The following MCM9 variants were observed in gnomAD, a reference collection of about 807,000 sequenced individuals.
MCM9 encodes minichromosome maintenance 9 homologous recombination repair factor, also known as DNA helicase MCM9.
In MCM9, 55 loss-of-function variants were observed where a neutral mutation model predicts 72.8. That is an observed-to-expected ratio of 0.76 (90% CI 0.61 to 0.95). The LOEUF is 0.95. Ranked by LOEUF, MCM9 falls within the 40% of genes least tolerant of loss-of-function variation. MCM9 has a pLI of 0.00. For synonymous variants in MCM9, 480 were observed against 503.4 expected (o/e 0.95, Z 0.62); for missense variants, 1,279 against 1,377.0 (o/e 0.93, Z 1.13).
chr6:118,906,837 T>C (rs1035017093), intron 8 of MCM9, among the ~76,000 whole-genome samples: 1 of 152,164 alleles, frequency 6.6e-6, no homozygotes, highest in African/African-American at 2.4e-5. Context: ...GAATAGAATG[T>C]TCTCATGTTC....
chr6:118,854,287 T>C (rs2114675074), intron 9 of MCM9, among the ~76,000 whole-genome samples: 1 of 152,316 alleles, frequency 6.6e-6, no homozygotes, highest in African/African-American at 2.4e-5. Context: ...ACATCCTTAA[T>C]TTGCTCCTAA....
intron 8 of MCM9, among the ~76,000 whole-genome samples, chr6:118,865,226 T>A (rs1777144417): frequency 6.6e-6 from 1 of 151,940 alleles, no homozygotes; most frequent in South Asian, 2.1e-4. Context: ...AAGTGCCAGT[T>A]TTATATGGGC....
chr6:118,932,522 C>T (rs1458892665), intron 2 of MCM9, 85 bp downstream of exon 2: 13 of 783,424 alleles, frequency 1.7e-5, no homozygotes, highest in Non-Finnish European at 2.0e-5. Flanking sequence ...TATATGAACA[C>T]AGTGTCATTC....
chr6:118,917,912 A>C, intron 5 of MCM9, 151 bp from the exon 6 acceptor site: 3 of 632,090 alleles, frequency 4.7e-6, no homozygotes, highest in Non-Finnish European at 8.3e-6. Flanking sequence ...CAGGGGCAGA[A>C]TAGCACCCCA....
chr6:118,931,153 C>G (rs1367387460), intron 3 of MCM9, among the ~76,000 whole-genome samples: 3 of 152,178 alleles, frequency 2.0e-5, no homozygotes. Flanking sequence ...TTTTGAATTA[C>G]ATTTTTAAAC....
At chr6:118,849,157 G>T (rs1776071971) in intron 9 of MCM9, among the ~76,000 whole-genome samples, 1 of 151,658 alleles carries the variant, frequency 6.6e-6, no homozygotes, top group Non-Finnish European at 1.5e-5. Flanking sequence ...AGATATATTA[G>T]ACAAATATAA....
chr6:118,843,543 G>C (rs1775545495), intron 9 of MCM9, among the ~76,000 whole-genome samples: 1 of 149,724 alleles, frequency 6.7e-6, no homozygotes, highest in East Asian at 2.0e-4. Flanking sequence ...CAGGAGACTT[G>C]CTTGAACCCG....
At chr6:118,817,442 T>A (rs1030915411) in intron 13 of MCM9, among the ~76,000 whole-genome samples, 1 of 152,220 alleles carries the variant, frequency 6.6e-6, no homozygotes, top group Non-Finnish European at 1.5e-5. Flanking sequence ...TCCAGCTTCA[T>A]CCATGTCCCT....
At chr6:118,869,939 C>T (rs1173441557) in intron 8 of MCM9, among the ~76,000 whole-genome samples, 1 of 152,116 alleles carries the variant, frequency 6.6e-6, no homozygotes, top group African/African-American at 2.4e-5. Context: ...GGTATCCATC[C>T]ATCAAGAGGG....
chr6:118,929,144 C>A lies in MCM9; in HGVS notation c.304+2276G>T, dbSNP rs559336401. On this transcript the variant is annotated intron_variant, in intron 3 of 13. Transcript: ENST00000619706. ...CTGAGGCAGGAGGATTGCTTGAACC[C>A]AGGAGGCAGAGGTTGCAGTGAGACA... Among the ~76,000 whole-genome samples the A allele has an allele frequency of 9.9e-5, 15 of 152,240 alleles. 2 individuals are homozygous for A. The highest frequency in any genetic ancestry group is 9.2e-4 in the Admixed American group (14 of 15,292).
intron 9 of MCM9, among the ~76,000 whole-genome samples, chr6:118,847,495 A>G (rs1775949647): frequency 6.6e-6 from 1 of 151,598 alleles, no homozygotes; most frequent in Admixed American, 6.6e-5. Flanking sequence ...GACTGAAAAT[A>G]TAATAAAGGG....
intron 8 of MCM9, among the ~76,000 whole-genome samples, chr6:118,882,294 GAAAGGAAAA>G (rs1021921222): frequency 6.6e-6 from 1 of 152,186 alleles, no homozygotes; most frequent in Admixed American, 6.5e-5. Context: ...CAAAAACAGG[GAAAGGAAAA>G]TCTGAATCTT....
At chr6:118,819,240 G>A (rs1057223174) in intron 13 of MCM9, among the ~76,000 whole-genome samples, 2 of 152,150 alleles carry the variant, frequency 1.3e-5, no homozygotes, top group Non-Finnish European at 2.9e-5. Flanking sequence ...CATTCAGTAT[G>A]ATATTGGCTG....
rs1773252191 is a variant in MCM9, at chr6:118,813,829, CA to C, written c.*994del. On this transcript the variant is annotated 3_prime_UTR_variant, in exon 14 of 14. Coordinates refer to ENST00000619706, the MANE Select transcript of MCM9 (RefSeq NM_017696.3). ...CACAACTTAGTAGGAATCACATTTC[CA>C]TATTAACCAGCTGGGTAGATGAGAC... 6.6e-6 allele frequency: 1 copy of C among 152,248 alleles called. No homozygotes were observed. Among genetic ancestry groups the C allele is most frequent in the African/African-American group, 2.4e-5 (1 of 41,540 alleles). The allele number at this position is 152,248 out of a possible 1,614,324, so 9.4% of individuals were successfully genotyped here.
intron 8 of MCM9, among the ~76,000 whole-genome samples, chr6:118,875,759 C>T (rs1428685805): frequency 6.6e-6 from 1 of 152,112 alleles, no homozygotes; most frequent in Admixed American, 6.6e-5. Flanking sequence ...TGTGGAGCAA[C>T]AGGAATTGTC....
At chr6:118,862,254 G>T (rs1012237973) in intron 8 of MCM9, among the ~76,000 whole-genome samples, 3 of 152,226 alleles carry the variant, frequency 2.0e-5, no homozygotes, top group African/African-American at 7.2e-5. Context: ...TCACCTGGGT[G>T]TGTGGGGAGC....
Position 118,816,177 on chromosome 6 carries a change from C to T in MCM9, c.2079G>A (p.Gln693=). Residue 693 remains glutamine, a synonymous_variant, in exon 14 of 14, where the codon CAG becomes CAA. Coordinates refer to ENST00000619706, the MANE Select transcript of MCM9 (RefSeq NM_017696.3). The part of the protein sequence containing the change: ...EESNFRTSSQ[Q]EINYSTHIFS... Reference sequence around the variant, plus strand: ...AGATATGTGTGCTATAGTTGATTTCCTGCTGTGATGAAGTTCTGAAGTTTG... The same window carrying T: ...AGATATGTGTGCTATAGTTGATTTCTTGCTGTGATGAAGTTCTGAAGTTTG... 5 of 1,550,476 alleles carry T rather than the reference C, an allele frequency of 3.2e-6. No individual in the cohort carries two copies. In the South Asian group the frequency reaches 3.6e-5, roughly 11 times the overall value.
At chr6:118,836,698 T>C (rs1379727460) in intron 9 of MCM9, among the ~76,000 whole-genome samples, 2 of 152,188 alleles carry the variant, frequency 1.3e-5, no homozygotes, top group African/African-American at 2.4e-5. Context: ...GATATCCCCT[T>C]TATCATTTTT....
chr6:118,828,079 T>TG lies in MCM9; in HGVS notation c.1579_1580insC (p.Tyr527SerfsTer14). The TG allele has an allele frequency of 6.4e-7, 1 of 1,550,618 alleles. No individual in the cohort carries two copies. The highest frequency in any genetic ancestry group is 8.7e-7 in the Non-Finnish European group (1 of 1,147,002). On this transcript the variant is annotated frameshift_variant, in exon 11 of 14. Coordinates refer to ENST00000619706, the MANE Select transcript of MCM9 (RefSeq NM_017696.3). LOFTEE classifies it high-confidence loss of function. ...CTGCAGATTCCTTATGAGGCAGAAA[T>TG]AGGTTTTCATCTTTTCCATGCTCCA...
Sources: allele counts gnomAD v4.1 joint callset (sites outside exome capture counted in the v4.1 genomes callset), GRCh38; gene constraint gnomAD v4.1.1; transcripts MANE v1.5; gene names NCBI Gene and HGNC (gene_info 2026-07-23, HGNC 2026-07-21).